Variants in ZBTB16 observed in about 807,000 individuals in gnomAD.
ZBTB16 encodes zinc finger and BTB domain containing 16.
ZBTB16 carries 8 observed loss-of-function variants against 56.8 expected under a neutral mutation model. The observed-to-expected ratio is 0.14, with a 90% CI of 0.08 to 0.25. ZBTB16 has a LOEUF of 0.25. Ranked by LOEUF, ZBTB16 falls within the 10% of genes least tolerant of loss-of-function variation. The pLI, the probability that ZBTB16 is intolerant of heterozygous loss-of-function variation, is 1.00. For synonymous variants in ZBTB16, 363 were observed against 368.5 expected (o/e 0.98, Z 0.17); for missense variants, 625 against 903.0 (o/e 0.69, Z 3.95).
In ZBTB16 at chr11:114,249,902, C is replaced by T. The variant is rs190707726; in HGVS notation, c.1793-424C>T. On this transcript the variant is annotated intron_variant, in intron 6 of 6. Transcript: ENST00000335953. Reference sequence around the variant, plus strand: ...ATCTGTAGCCCTGAAAGGTCTCGATCCACCTGCTCTCTGGACGGAACTGTG... The same window carrying T: ...ATCTGTAGCCCTGAAAGGTCTCGATTCACCTGCTCTCTGGACGGAACTGTG... Among the ~76,000 whole-genome samples the T allele has an allele frequency of 1.8e-3, 279 of 152,130 alleles. 4 individuals carry two copies. Among genetic ancestry groups the T allele is most frequent in the African/African-American group, 6.3e-3 (263 of 41,492 alleles).
intron 2 of ZBTB16, among the ~76,000 whole-genome samples, chr11:114,152,351 T>C (rs1294532833): frequency 6.6e-6 from 1 of 152,232 alleles, no homozygotes; most frequent in Non-Finnish European, 1.5e-5. Context: ...AGCTTCGTTT[T>C]ACTAGTGAGA....
intron 5 of ZBTB16, among the ~76,000 whole-genome samples, chr11:114,245,615 A>T (rs2135207532): frequency 6.6e-6 from 1 of 152,290 alleles, no homozygotes; most frequent in South Asian, 2.1e-4. Flanking sequence ...ATATCATTTT[A>T]AAAAGGAAGT....
intron 2 of ZBTB16, among the ~76,000 whole-genome samples, chr11:114,141,353 C>T (rs183458917): frequency 3.9e-5 from 6 of 152,322 alleles, no homozygotes; most frequent in African/African-American, 1.4e-4. Flanking sequence ...TTGATCTGCT[C>T]CTCTTCTGCA....
At chr11:114,159,684 CT>C (rs1156891193) in intron 3 of ZBTB16, among the ~76,000 whole-genome samples, 1 of 152,114 alleles carries the variant, frequency 6.6e-6, no homozygotes, top group Non-Finnish European at 1.5e-5. Context: ...GCTGGGTCTT[CT>C]TACAGATTCC....
intron 2 of ZBTB16, among the ~76,000 whole-genome samples, chr11:114,080,699 A>G (rs1235103493): frequency 6.6e-6 from 1 of 152,158 alleles, no homozygotes; most frequent in African/African-American, 2.4e-5. Flanking sequence ...TTGAAAATCC[A>G]TTTCAGTATC....
chr11:114,171,782 C>T (rs1292915635), intron 3 of ZBTB16, among the ~76,000 whole-genome samples: 3 of 152,242 alleles, frequency 2.0e-5, no homozygotes, highest in Non-Finnish European at 4.4e-5. Context: ...GTCTCTGGCA[C>T]GGACTATCTG....
chr11:114,251,064 G>C lies in ZBTB16; in HGVS notation c.*509G>C, dbSNP rs917792636. Among the ~76,000 whole-genome samples, 1 of 152,204 alleles carries C rather than the reference G, an allele frequency of 6.6e-6. No homozygotes were observed. Among genetic ancestry groups the C allele is most frequent in the East Asian group, 1.9e-4 (1 of 5,170 alleles). ...AAAATGGCAGCTCTAGTTTGCTGGC[G>C]GCTGACTGGGGAGGAGAAGGGCTCT... is the stretch of plus-strand genomic sequence containing the variant. On this transcript the variant is annotated 3_prime_UTR_variant, in exon 7 of 7. Coordinates refer to ENST00000335953, the MANE Select transcript of ZBTB16 (RefSeq NM_006006.6).
chr11:114,230,076 C>T (rs1441024520), intron 4 of ZBTB16, among the ~76,000 whole-genome samples: 1 of 152,088 alleles, frequency 6.6e-6, no homozygotes, highest in East Asian at 1.9e-4. Context: ...GGTTGAAGCC[C>T]AGGTTGGGGC....
chr11:114,124,430 A>G (rs1941432991), intron 2 of ZBTB16, among the ~76,000 whole-genome samples: 1 of 150,890 alleles, frequency 6.6e-6, no homozygotes, highest in African/African-American at 2.4e-5. Flanking sequence ...TCTTTCGCCA[A>G]CCCCCTACCA....
chr11:114,120,685 T>C (rs545658214), intron 2 of ZBTB16, among the ~76,000 whole-genome samples: 3 of 152,336 alleles, frequency 2.0e-5, no homozygotes, highest in African/African-American at 7.2e-5. Context: ...CTTCGGATGC[T>C]GTATTTACTT....
chr11:114,105,789 T>C (rs1940768931), intron 2 of ZBTB16, among the ~76,000 whole-genome samples: 1 of 152,202 alleles, frequency 6.6e-6, no homozygotes, highest in Non-Finnish European at 1.5e-5. Context: ...TTACAAATTG[T>C]CACCGAGGGT....
intron 2 of ZBTB16, among the ~76,000 whole-genome samples, chr11:114,144,387 CTT>C (rs1280731715): frequency 6.6e-6 from 1 of 152,230 alleles, no homozygotes. Context: ...CTTTGAAGTG[CTT>C]TCTACTGGGG....
At chr11:114,155,034 TGCC>T (rs59038579) in intron 2 of ZBTB16, among the ~76,000 whole-genome samples, 12,416 of 152,214 alleles carry the variant, frequency 0.082, 991 homozygotes, top group African/African-American at 0.2. Flanking sequence ...ATCTAGATAC[TGCC>T]AGCTTGAGTG....
Position 114,255,409 on chromosome 11 carries a change from ATCTCTTTC to A in ZBTB16, c.*4867_*4874del, listed in dbSNP as rs1944983246. On this transcript the variant is annotated 3_prime_UTR_variant, in exon 7 of 7. Transcript: ENST00000335953. ...ACTGGTTACTTTTTTGTACAAATCA[ATCTCTTTC>A]TCTCTTTCTCTCCTCCCCACCTCTC... Among the ~76,000 whole-genome samples the A allele has an allele frequency of 7.7e-6, 1 of 129,468 alleles. No homozygotes were observed. The highest frequency in any genetic ancestry group is 2.5e-4 in the South Asian group (1 of 3,958). 84.9% of individuals were successfully genotyped at this position (129,468 alleles called of 152,430 possible). A position where few individuals can be genotyped will look rare whatever the true frequency, so the allele number is the denominator to read the frequency against.
In ZBTB16 at chr11:114,064,534, G is replaced by A. The variant is rs779712380; in HGVS notation, c.1234G>A (p.Glu412Lys). The A allele has an allele frequency of 1.3e-5, 21 of 1,613,884 alleles. No homozygotes were observed. In the Admixed American group the frequency reaches 2.0e-4, roughly 15 times the overall value. ...AGAGCAGTGCAGCGTGTGTGGGGTC[G>A]AGCTTCCTGATAACGAGGCTGTGGA... ...IGEQCSVCGV[E>K]LPDNEAVEQH... The change falls in exon 2 of 7, where the codon GAG (glutamate) becomes AAG (lysine). Residue 412 changes from glutamate to lysine, a missense_variant. Transcript: ENST00000335953. This position sits in a 1 kb window ranked among gnomAD's most constrained non-coding sequence, Gnocchi z 4.2.
intron 4 of ZBTB16, among the ~76,000 whole-genome samples, chr11:114,207,451 C>T (rs1452660181): frequency 6.6e-6 from 1 of 152,080 alleles, no homozygotes. Flanking sequence ...TCACAGGCCT[C>T]ATCTTTTGTC....
chr11:114,150,895 G>T (rs969849050), intron 2 of ZBTB16, among the ~76,000 whole-genome samples: 3 of 152,204 alleles, frequency 2.0e-5, no homozygotes, highest in Admixed American at 2.0e-4. Context: ...CCCACATGGG[G>T]CCCAAGGCTG....
chr11:114,209,578 A>G, intron 4 of ZBTB16: 3 of 985,378 alleles, frequency 3.0e-6, no homozygotes, highest in Non-Finnish European at 3.6e-6. Flanking sequence ...CACTTGGACA[A>G]TCATTTCTTG....
rs1039288033 is a variant in ZBTB16 at position 114,209,506 on chromosome 11, A to G, written c.1453+22468A>G. 1.4e-5 allele frequency: 14 copies of G among 985,210 alleles called. No individual in the cohort carries two copies. The African/African-American group carries it at 2.4e-4, about 17-fold the overall frequency. The allele number at this position is 985,210 out of a possible 1,614,324, so 61.0% of individuals were successfully genotyped here. On this transcript the variant is annotated intron_variant, in intron 4 of 6. Transcript: ENST00000335953. ...CTCTCCCCAGACCCTTCAGCTCCAG[A>G]AAGCCATTGTGCTCCCTCCTGGCCT...
Sources: gnomAD v4.1 joint callset for allele counts (sites outside exome capture counted in the v4.1 genomes callset) on GRCh38, gnomAD v4.1.1 for gene constraint, Gnocchi (gnomAD v3.1) non-coding constraint, MANE v1.5 for transcripts, NCBI Gene and HGNC (gene_info 2026-07-23, HGNC 2026-07-21) for gene names.